Variants in KCNQ1OT1 observed in about 807,000 individuals in gnomAD.
KCNQ1OT1 encodes the protein KCNQ1 antisense RNA 2 (non-protein coding).
exon 1 of KCNQ1OT1, chr11:2,696,859 A>T (rs934167848): frequency 5.0e-6 from 2 of 398,386 alleles, no homozygotes; most frequent in South Asian, 1.3e-4. Flanking sequence ...GTCAGTTGCT[A>T]TTGGCATAAA....
chr11:2,670,355 G>GGTTA lies in KCNQ1OT1; in HGVS notation n.29636_29639dup. ...AGTTCAGACTCAGTGGCTTTCAGAT[G>GGTTA]GTTAGTATAGGCTGAAATTCCAAGA... On this transcript the variant is annotated non_coding_transcript_exon_variant, in exon 1 of 1. Coordinates refer to ENST00000597346, the Ensembl canonical transcript of KCNQ1OT1. This position sits in a 1 kb window ranked among gnomAD's most constrained non-coding sequence, Gnocchi z 4.9. 2.5e-6 allele frequency: 1 copy of GGTTA among 398,480 alleles called. No homozygotes were observed. The highest frequency in any genetic ancestry group is 1.3e-4 in the South Asian group (1 of 7,852). 24.7% of individuals were successfully genotyped at this position (398,480 alleles called of 1,614,324 possible). A position where few individuals can be genotyped will look rare whatever the true frequency, so the allele number is the denominator to read the frequency against.
In KCNQ1OT1 at chr11:2,613,086, T is replaced by G; in HGVS notation, n.86909A>C. On this transcript the variant is annotated non_coding_transcript_exon_variant, in exon 1 of 1. Transcript: ENST00000597346. The surrounding 1 kb of genome is among the most constrained non-coding windows in gnomAD (Gnocchi z 4.8). Reference sequence around the variant, plus strand: ...CATAACCTAGTGGTCAAGCCATGATTAGTCAGACATTTGTTTAAACATCTT... The same window carrying G: ...CATAACCTAGTGGTCAAGCCATGATGAGTCAGACATTTGTTTAAACATCTT... The G allele has an allele frequency of 2.5e-6, 1 of 398,620 alleles. No homozygotes were observed. The highest frequency in any genetic ancestry group is 4.4e-6 in the Non-Finnish European group (1 of 226,064). 24.7% of individuals were successfully genotyped at this position (398,620 alleles called of 1,614,324 possible).
exon 1 of KCNQ1OT1, chr11:2,666,810 A>G: frequency 2.5e-6 from 1 of 398,696 alleles, no homozygotes; most frequent in Non-Finnish European, 4.4e-6. Flanking sequence ...TTTGGTGGGA[A>G]AGGACAGAAA....
In KCNQ1OT1 at chr11:2,674,749, C is replaced by G; in HGVS notation, n.25246G>C. ...TAACTCGTTAAAGTTGCTCCAATCCCAGCCCAGTGCCAGACCAGCTTCCTG... is the reference window on the plus strand; with the variant it reads ...TAACTCGTTAAAGTTGCTCCAATCCGAGCCCAGTGCCAGACCAGCTTCCTG... On this transcript the variant is annotated non_coding_transcript_exon_variant, in exon 1 of 1. Coordinates refer to ENST00000597346, the Ensembl canonical transcript of KCNQ1OT1. This position sits in a 1 kb window ranked among gnomAD's most constrained non-coding sequence, Gnocchi z 5.9. The G allele has an allele frequency of 2.5e-6, 1 of 397,740 alleles. No homozygotes were observed. Among genetic ancestry groups the G allele is most frequent in the Non-Finnish European group, 4.4e-6 (1 of 225,986 alleles). 24.6% of individuals were successfully genotyped at this position (397,740 alleles called of 1,614,324 possible).
exon 1 of KCNQ1OT1, chr11:2,685,860 A>G: frequency 2.5e-6 from 1 of 398,736 alleles, no homozygotes; most frequent in East Asian, 3.6e-5. Context: ...TGCTTCACCC[A>G]GGACTCAGAC....
At chr11:2,660,093 T>A in exon 1 of KCNQ1OT1, 1 of 393,272 alleles carries the variant, frequency 2.5e-6, no homozygotes, top group Non-Finnish European at 4.5e-6. Flanking sequence ...AAACTTTTGG[T>A]TTCGTATTTC....
chr11:2,648,981 C>CTTTTTTTTTTTTTTTTTTTTTTTTT, exon 1 of KCNQ1OT1: 15 of 213,304 alleles, frequency 7.0e-5, no homozygotes, highest in African/African-American at 2.7e-4. Flanking sequence ...TTTTCTTTTT[C>CTTTTTTTTTTTTTTTTTTTTTTTTT]TTTTTTTTTT....
chr11:2,640,012 C>G (rs773472696), exon 1 of KCNQ1OT1: 1 of 158,710 alleles, frequency 6.3e-6, no homozygotes, highest in Non-Finnish European at 1.4e-5. Context: ...GAGCCAGGCG[C>G]GGGATATAAT....
exon 1 of KCNQ1OT1, chr11:2,615,405 G>T (rs1849044276): frequency 2.5e-6 from 1 of 397,760 alleles, no homozygotes; most frequent in Admixed American, 4.4e-5. Flanking sequence ...TTATTTATCT[G>T]CCTAATTGTC....
chr11:2,637,737 C>T (rs1189258029), exon 1 of KCNQ1OT1: 1 of 152,178 alleles, frequency 6.6e-6, no homozygotes, highest in Admixed American at 6.5e-5. Context: ...CCTGGATATC[C>T]TTGTTAACTT....
chr11:2,693,990 C>T (rs1217587154), exon 1 of KCNQ1OT1: 8 of 398,642 alleles, frequency 2.0e-5, no homozygotes, highest in Non-Finnish European at 3.5e-5. Flanking sequence ...AGGCCCAGCC[C>T]GGCCTCTCTA....
rs946326192 is a variant in KCNQ1OT1 at position 2,661,442 on chromosome 11, T to C, written n.38553A>G. On this transcript the variant is annotated non_coding_transcript_exon_variant, in exon 1 of 1. Coordinates refer to ENST00000597346, the Ensembl canonical transcript of KCNQ1OT1. This position sits in a 1 kb window ranked among gnomAD's most constrained non-coding sequence, Gnocchi z 5.9. ...GGGGGTACAACTGGTTGATGTAGCA[T>C]CGTGTTTTGAGGAAGGAGTTCTGTG... 1.6e-5 allele frequency: 7 copies of C among 438,936 alleles called. No individual in the cohort carries two copies. The highest frequency in any genetic ancestry group is 4.0e-5 in the African/African-American group (2 of 49,984). 27.2% of individuals were successfully genotyped at this position (438,936 alleles called of 1,614,324 possible). A position where few individuals can be genotyped will look rare whatever the true frequency, so the allele number is the denominator to read the frequency against.
exon 1 of KCNQ1OT1, chr11:2,643,367 G>A (rs1590000707): frequency 2.5e-6 from 1 of 398,336 alleles, no homozygotes; most frequent in South Asian, 1.3e-4. Flanking sequence ...GTTTAGAATT[G>A]TTATATCCTC....
rs1480960306 is a variant in KCNQ1OT1 at position 2,653,220 on chromosome 11, G to T, written n.46775C>A. On this transcript the variant is annotated non_coding_transcript_exon_variant, in exon 1 of 1. Coordinates refer to ENST00000597346, the Ensembl canonical transcript of KCNQ1OT1. This position sits in a 1 kb window ranked among gnomAD's most constrained non-coding sequence, Gnocchi z 5.3. ...TTGCAGGGCTAGGGCCAGGGCCTTG[G>T]CCTCAGGCCAGCTTCTTTCCCACAA... is the stretch of plus-strand genomic sequence containing the variant. 2 of 398,642 alleles carry T rather than the reference G, an allele frequency of 5.0e-6. No individual in the cohort carries two copies. The highest frequency in any genetic ancestry group is 4.1e-5 in the African/African-American group (2 of 48,654). The allele number at this position is 398,642 out of a possible 1,614,324, so 24.7% of individuals were successfully genotyped here. A position where few individuals can be genotyped will look rare whatever the true frequency, so the allele number is the denominator to read the frequency against.
chr11:2,624,753 C>T lies in KCNQ1OT1; in HGVS notation n.75242G>A. The T allele has an allele frequency of 2.5e-6, 1 of 398,526 alleles. No homozygotes were observed. The highest frequency in any genetic ancestry group is 4.4e-6 in the Non-Finnish European group (1 of 226,038). The allele number at this position is 398,526 out of a possible 1,614,324, so 24.7% of individuals were successfully genotyped here. A position where few individuals can be genotyped will look rare whatever the true frequency, so the allele number is the denominator to read the frequency against. On this transcript the variant is annotated non_coding_transcript_exon_variant, in exon 1 of 1. Transcript: ENST00000597346. This position sits in a 1 kb window ranked among gnomAD's most constrained non-coding sequence, Gnocchi z 4.9. The stretch of plus-strand genomic sequence containing the variant: ...CAATAATTCCCCAACCCCCCCACCA[C>T]CGCCATCTCTTGGAAACCACCTTGT...
At position 2,663,263 on chromosome 11, in the gene KCNQ1OT1, G is replaced by A; in HGVS notation, n.36732C>T. The A allele has an allele frequency of 2.5e-6, 1 of 398,730 alleles. No individual in the cohort carries two copies. Among genetic ancestry groups the A allele is most frequent in the Non-Finnish European group, 4.4e-6 (1 of 226,172 alleles). 24.7% of individuals were successfully genotyped at this position (398,730 alleles called of 1,614,324 possible). A position where few individuals can be genotyped will look rare whatever the true frequency, so the allele number is the denominator to read the frequency against. Reference sequence around the variant, plus strand: ...CTGGAAAGCAGGGGTGACTAGTCATGGACACCCTGAGAATAGGGCTCTGAG... The same window carrying A: ...CTGGAAAGCAGGGGTGACTAGTCATAGACACCCTGAGAATAGGGCTCTGAG... On this transcript the variant is annotated non_coding_transcript_exon_variant, in exon 1 of 1. Transcript: ENST00000597346. This position sits in a 1 kb window ranked among gnomAD's most constrained non-coding sequence, Gnocchi z 5.2.
exon 1 of KCNQ1OT1, chr11:2,630,772 G>T (rs1302146253): frequency 2.5e-6 from 1 of 398,472 alleles, no homozygotes; most frequent in Non-Finnish European, 4.4e-6. Context: ...AAGAGTAGTT[G>T]CTGATAAACT....
rs574073192 is a variant in KCNQ1OT1, at chr11:2,654,140, A to G, written n.45855T>C. 179 of 398,514 alleles carry G rather than the reference A, an allele frequency of 4.5e-4. 1 individual carries two copies. The highest frequency in any genetic ancestry group is 1.8e-4 in the Non-Finnish European group (40 of 225,960). 24.7% of individuals were successfully genotyped at this position (398,514 alleles called of 1,614,324 possible). The stretch of plus-strand genomic sequence containing the variant: ...GGTGGTGGCGGGGCCACTCTGGCTC[A>G]GGGTCTATGAGCCGGGCATGGGCAG... On this transcript the variant is annotated non_coding_transcript_exon_variant, in exon 1 of 1. Transcript: ENST00000597346. The surrounding 1 kb of genome is among the most constrained non-coding windows in gnomAD (Gnocchi z 6.4).
chr11:2,643,526 T>C (rs1489544918), exon 1 of KCNQ1OT1: 1 of 398,402 alleles, frequency 2.5e-6, no homozygotes. Context: ...CATTCCTTTC[T>C]TTCAACTATG....
Sources: gnomAD v4.1 joint callset for allele counts on GRCh38, gnomAD v4.1.1 for gene constraint, Gnocchi (gnomAD v3.1) non-coding constraint, MANE v1.5 for transcripts, NCBI Gene and HGNC (gene_info 2026-07-23, HGNC 2026-07-21) for gene names.